ZFC3H1: variants seen among roughly 807,000 people sequenced by gnomAD.
ZFC3H1 encodes the protein zinc finger C3H1-type containing.
ZFC3H1 carries 71 observed loss-of-function variants against 243.7 expected under a neutral mutation model. That is an observed-to-expected ratio of 0.29 (90% CI 0.24 to 0.36). The LOEUF is 0.36. Ranked by LOEUF, ZFC3H1 falls within the 10% of genes least tolerant of loss-of-function variation. The pLI is 1.00. For missense variants in ZFC3H1, 1,966 were observed against 2,317.1 expected, an observed-to-expected ratio of 0.85 and a Z score of 3.11; for synonymous variants, 838 against 813.0, an observed-to-expected ratio of 1.03 and a Z score of -0.52.
rs879162113 is a variant in ZFC3H1, at chr12:71,630,920, G to C, written c.3505C>G (p.Pro1169Ala). Residue 1169 changes from proline to alanine, a missense_variant, in exon 17 of 35, where the codon CCC becomes GCC. By Grantham distance (27) the Pro-to-Ala change is conservative. Coordinates refer to ENST00000378743, the MANE Select transcript of ZFC3H1 (RefSeq NM_144982.5). The stretch of plus-strand genomic sequence containing the variant: ...TTACTGTATGATACTGAGCTCAGGG[G>C]AAGTTTTTCCTTGGTTCGATAATAT... ...SPYYRTKEKLPLSSVSYSNMI... is the reference protein window; with the variant it reads ...SPYYRTKEKLALSSVSYSNMI... 2 of 1,612,336 alleles carry C rather than the reference G, an allele frequency of 1.2e-6. No individual in the cohort carries two copies. The highest frequency in any genetic ancestry group is 1.1e-5 in the South Asian group (1 of 90,878).
intron 6 of ZFC3H1, 50 bp from the exon 7 acceptor site, chr12:71,638,565 G>T (rs987765615): frequency 7.2e-7 from 1 of 1,387,036 alleles, no homozygotes; most frequent in Non-Finnish European, 9.9e-7. Flanking sequence ...TACTTCATCA[G>T]GAATATATTA....
intron 27 of ZFC3H1, among the ~76,000 whole-genome samples, chr12:71,617,276 TCTC>T (rs1468581233): frequency 6.6e-6 from 1 of 152,212 alleles, no homozygotes; most frequent in Non-Finnish European, 1.5e-5. Flanking sequence ...CTATCGTCAT[TCTC>T]CTAATATCTG....
intron 24 of ZFC3H1, among the ~76,000 whole-genome samples, chr12:71,620,824 G>T (rs764694883): frequency 6.6e-6 from 1 of 151,926 alleles, no homozygotes; most frequent in Non-Finnish European, 1.5e-5. Flanking sequence ...CTTATTAAAC[G>T]GTACAATGTT....
intron 3 of ZFC3H1, among the ~76,000 whole-genome samples, chr12:71,645,656 C>T (rs1001875139): frequency 1.3e-5 from 2 of 152,164 alleles, no homozygotes; most frequent in Non-Finnish European, 2.9e-5. Flanking sequence ...TGTTCTAAGG[C>T]TACAGATATT....
intron 8 of ZFC3H1, 79 bp from the exon 9 acceptor site, chr12:71,636,733 T>G: frequency 6.4e-7 from 1 of 1,558,646 alleles, no homozygotes; most frequent in Non-Finnish European, 8.7e-7. Flanking sequence ...TTGAGCATGT[T>G]AGAATTATCC....
In ZFC3H1 at chr12:71,663,111, C is replaced by A; in HGVS notation, c.500G>T (p.Gly167Val). ...AGGAGGTCTGCACCCCGGCTTGCCTCCTCGCTCACCCACTCCTCGCCCCCG... is the reference window on the plus strand; with the variant it reads ...AGGAGGTCTGCACCCCGGCTTGCCTACTCGCTCACCCACTCCTCGCCCCCG... ...WSRGRGVGER[G>V]GKPGCRPPLG... Residue 167 changes from glycine to valine, a missense_variant, in exon 1 of 35, where the codon GGA (glycine) becomes GTA (valine). Gly to Val is a moderately radical substitution (Grantham distance 109, BLOSUM62 -3). Around this residue, in one of 4 missense-constraint regions of ZFC3H1, gnomAD observed 484 missense variants for 449.7 expected, o/e 1.08. Coordinates refer to ENST00000378743, the MANE Select transcript of ZFC3H1 (RefSeq NM_144982.5). 6.2e-7 allele frequency: 1 copy of A among 1,614,086 alleles called. No homozygotes were observed. The highest frequency in any genetic ancestry group is 8.5e-7 in the Non-Finnish European group (1 of 1,180,036).
At position 71,663,517 on chromosome 12, in the gene ZFC3H1, T is replaced by C; in HGVS notation, c.94A>G (p.Asn32Asp). 1 of 1,613,618 alleles carries C rather than the reference T, an allele frequency of 6.2e-7. No individual in the cohort carries two copies. Among genetic ancestry groups the C allele is most frequent in the Non-Finnish European group, 8.5e-7 (1 of 1,180,032 alleles). ...CTCCGACTCCGTATCTGGCTGTTAT[T>C]ATCGTCGTCACTGATTTCCCCATCT... ...LEDGEISDDD[N>D]NSQIRSRSSS... The change falls in exon 1 of 35, where the codon AAT (asparagine) becomes GAT (aspartate). Residue 32 changes from asparagine to aspartate, a missense_variant. This residue lies in a region of ZFC3H1 where 484 missense variants were observed against 449.7 expected (regional missense o/e 1.08). Transcript: ENST00000378743.
intron 5 of ZFC3H1, among the ~76,000 whole-genome samples, chr12:71,643,425 A>C (rs1307580113): frequency 6.6e-6 from 1 of 151,996 alleles, no homozygotes; most frequent in Non-Finnish European, 1.5e-5. Context: ...AAAAAAAAAA[A>C]ATTTCAAAGT....
Position 71,629,115 on chromosome 12 carries a change from T to C in ZFC3H1, c.3827-78A>G, listed in dbSNP as rs1880247338. ...CATTTTGAAGGATACTCAAATAATA[T>C]TTGAGAAGAACTACATTCACTCCAT... On this transcript the variant is annotated intron_variant, in intron 19 of 34. Transcript: ENST00000378743. The C allele has an allele frequency of 4.7e-6, 6 of 1,280,212 alleles. No individual in the cohort carries two copies. The South Asian group carries it at 9.1e-5, about 19-fold the overall frequency. 79.3% of individuals were successfully genotyped at this position (1,280,212 alleles called of 1,614,324 possible). A position where few individuals can be genotyped will look rare whatever the true frequency, so the allele number is the denominator to read the frequency against.
chr12:71,639,363 T>C (rs1880543507), intron 6 of ZFC3H1: 1 of 199,212 alleles, frequency 5.0e-6, no homozygotes. Context: ...ACATTTTACA[T>C]AGCGCTGCAG....
At position 71,656,975 on chromosome 12, in the gene ZFC3H1, T is replaced by A; in HGVS notation, c.925A>T (p.Thr309Ser). The A allele has an allele frequency of 1.2e-6, 2 of 1,613,958 alleles. No homozygotes were observed. The highest frequency in any genetic ancestry group is 1.7e-6 in the Non-Finnish European group (2 of 1,179,938). Residue 309 changes from threonine to serine, a missense_variant, in exon 2 of 35, where the codon ACT becomes TCT. Coordinates refer to ENST00000378743, the MANE Select transcript of ZFC3H1 (RefSeq NM_144982.5). ...FELKPLRQKL[T>S]LPGDKNRLKK... ...AAACGGTTCTTATCTCCTGGTAAAG[T>A]CAATTTTTGCCTGAGTGGTTTTAAT...
At chr12:71,631,057 ACTATTTATGAG>A (rs1880309992) in intron 16 of ZFC3H1, 103 bp from the exon 17 acceptor site, 7 of 1,195,754 alleles carry the variant, frequency 5.9e-6, no homozygotes, top group Non-Finnish European at 6.7e-6. Context: ...TTCCATGCTT[ACTATTTATGAG>A]CTATTTATCT....
intron 1 of ZFC3H1, among the ~76,000 whole-genome samples, chr12:71,661,301 AAAAT>A (rs954320263): frequency 1.5e-4 from 23 of 151,918 alleles, no homozygotes; most frequent in Non-Finnish European, 2.5e-4. Flanking sequence ...CTCTGTCTCA[AAAAT>A]AAATAAATAA....
intron 2 of ZFC3H1, among the ~76,000 whole-genome samples, chr12:71,653,221 T>C (rs1172081017): frequency 6.6e-6 from 1 of 151,830 alleles, no homozygotes; most frequent in Non-Finnish European, 1.5e-5. Context: ...AAAACAAAAA[T>C]GAAATAGTAA....
chr12:71,638,255 T>C (rs1432922992), intron 7 of ZFC3H1, among the ~76,000 whole-genome samples, 163 bp downstream of exon 7: 1 of 152,228 alleles, frequency 6.6e-6, no homozygotes, highest in Non-Finnish European at 1.5e-5. Context: ...AATGGATAGC[T>C]TGCTGGTATA....
rs1340626335 is a variant in ZFC3H1, at chr12:71,623,579, T to C, written c.4525A>G (p.Asn1509Asp). ...AGGTATTCAGCTACTATTCCATCAT[T>C]AGCAGATTTCAATGCATTCTAGGCA... ...AILQNALKSA[N>D]DGIVAEYLKT... The change falls in exon 24 of 35, where the codon AAT becomes GAT. Residue 1509 changes from asparagine (N) to aspartate (D), a missense_variant. Transcript: ENST00000378743. 16 of 1,608,898 alleles carry C rather than the reference T, an allele frequency of 9.9e-6. No individual in the cohort carries two copies. The East Asian group carries it at 2.2e-4, about 22-fold the overall frequency.
At chr12:71,659,113 G>C (rs1881097687) in intron 1 of ZFC3H1, among the ~76,000 whole-genome samples, 3 of 152,072 alleles carry the variant, frequency 2.0e-5, no homozygotes, top group Non-Finnish European at 2.9e-5. Flanking sequence ...GTGCTCTTCA[G>C]GGAGCACTAC....
intron 2 of ZFC3H1, among the ~76,000 whole-genome samples, chr12:71,655,167 A>G (rs1880986146): frequency 6.6e-6 from 1 of 152,184 alleles, no homozygotes; most frequent in Non-Finnish European, 1.5e-5. Context: ...ACTGGACAAT[A>G]AAGGAAGTCT....
Position 71,657,228 on chromosome 12 carries a change from A to G in ZFC3H1, c.672T>C (p.Thr224=), listed in dbSNP as rs1186829937. ...TATACTTTAAAAGCAAATCTTCAAA[A>G]GTTTCTTCCACACAGTTTTCATTTT... ...SSKNENCVEE[T]FEDLLLKYKQ... is the part of the protein sequence containing the mutation. The change falls in exon 2 of 35, where the codon ACT becomes ACC. Residue 224 remains threonine (T), a synonymous_variant. Coordinates refer to ENST00000378743, the MANE Select transcript of ZFC3H1 (RefSeq NM_144982.5). The G allele has an allele frequency of 1.2e-6, 2 of 1,605,234 alleles. No homozygotes were observed. Among genetic ancestry groups the G allele is most frequent in the African/African-American group, 2.7e-5 (2 of 74,404 alleles).
Sources: allele counts gnomAD v4.1 joint callset (sites outside exome capture counted in the v4.1 genomes callset), GRCh38; gene constraint gnomAD v4.1.1; regional missense constraint gnomAD v4.1.1; transcripts MANE v1.5; gene names NCBI Gene and HGNC (gene_info 2026-07-23, HGNC 2026-07-21).